The following TUBGCP6 variants were observed in gnomAD, a reference collection of about 807,000 sequenced individuals.
TUBGCP6 encodes the protein tubulin gamma complex component 6, also known as gamma-tubulin complex component 6.
TUBGCP6 carries 161 observed loss-of-function variants against 175.8 expected under a neutral mutation model. The observed-to-expected ratio is 0.92, with a 90% CI of 0.81 to 1.04. The LOEUF is 1.04. TUBGCP6 is among the 50% of genes least tolerant of loss of function. The pLI, the probability that TUBGCP6 is intolerant of heterozygous loss-of-function variation, is 0.00. For missense variants in TUBGCP6, 2,572 were observed against 2,433.0 expected, an observed-to-expected ratio of 1.06 and a Z score of -1.20; for synonymous variants, 1,173 against 1,030.5, an observed-to-expected ratio of 1.14 and a Z score of -2.65.
chr22:50,219,728 C>A lies in TUBGCP6; in HGVS notation c.4231G>T (p.Ala1411Ser). 1 of 1,613,718 alleles carries A rather than the reference C, an allele frequency of 6.2e-7. No homozygotes were observed. The highest frequency in any genetic ancestry group is 8.5e-7 in the Non-Finnish European group (1 of 1,179,990). The change falls in exon 18 of 25, where the codon GCT becomes TCT. Residue 1411 changes from alanine (A) to serine (S), a missense_variant. Ala to Ser is a moderately conservative substitution (Grantham distance 99). Transcript: ENST00000248846. ...AGGTAGGCCTGCTCCCCACCCTGAG[C>A]CTCCGCCGCCGATGCCTCCGCCTCC... ...GEEAEASAAE[A>S]QGGEQAYLAG...
chr22:50,224,432 C>CA lies in TUBGCP6; in HGVS notation c.2066-13dup, dbSNP rs754934293. On this transcript the variant is annotated splice_polypyrimidine_tract_variant and intron_variant, in intron 11 of 24. Transcript: ENST00000248846. ...TGACATCTGCCGGTCTACATTGGGA[C>CA]AGTAAGGGGCGCACTGTCACAAGGA... 1 of 1,614,172 alleles carries CA rather than the reference C, an allele frequency of 6.2e-7. No individual in the cohort carries two copies. The highest frequency in any genetic ancestry group is 1.7e-5 in the Admixed American group (1 of 60,016).
In TUBGCP6 at chr22:50,224,522, C is replaced by T. The variant is rs373028238; in HGVS notation, c.2054G>A (p.Ser685Asn). 1.9e-5 allele frequency: 30 copies of T among 1,614,094 alleles called. No homozygotes were observed. The highest frequency in any genetic ancestry group is 2.5e-5 in the Non-Finnish European group (29 of 1,180,050). ...TTGGGGCCACTCACCACTCAGTGCA[C>T]TCAGGACCCTGGATGCTGCTTCCCG... ...HAREAASRVL[S>N]ALSDRQMSER... Residue 685 changes from serine (S) to asparagine (N), a missense_variant, in exon 11 of 25, where the codon AGT (serine) becomes AAT (asparagine). Coordinates refer to ENST00000248846, the MANE Select transcript of TUBGCP6 (RefSeq NM_020461.4).
At chr22:50,232,556 C>CAA (rs542603491) in intron 3 of TUBGCP6, among the ~76,000 whole-genome samples, 1,844 of 139,850 alleles carry the variant, frequency 0.013, 24 homozygotes, top group African/African-American at 0.031. Context: ...GACCCTGTCT[C>CAA]AAAAAAAAAA....
At chr22:50,241,983 CAAAA>C (rs55647714) in intron 1 of TUBGCP6, among the ~76,000 whole-genome samples, 2 of 92,806 alleles carry the variant, frequency 2.2e-5, no homozygotes, top group African/African-American at 5.1e-5. Flanking sequence ...GACTCCATCT[CAAAA>C]AAAAAAAAAA....
Position 50,218,614 on chromosome 22 carries a change from A to T in TUBGCP6, c.4828T>A (p.Trp1610Arg). ...TCGGTGATGACAATGTTGAGAGGCC[A>T]GTCCACCTGCCAGGAGGCGTGGCTC... ...SCLELRYKVDWPLNIVITEGC... is the reference protein window; with the variant it reads ...SCLELRYKVDRPLNIVITEGC... The change falls in exon 22 of 25, where the codon TGG (tryptophan) becomes AGG (arginine). Residue 1610 changes from tryptophan to arginine, a missense_variant. Trp to Arg is a moderately radical substitution (Grantham distance 101). Transcript: ENST00000248846. 6.2e-7 allele frequency: 1 copy of T among 1,613,732 alleles called. No homozygotes were observed. Among genetic ancestry groups the T allele is most frequent in the African/African-American group, 1.3e-5 (1 of 75,032 alleles).
At chr22:50,226,231 C>G (rs1234490731) in intron 8 of TUBGCP6, 42 bp from the exon 9 acceptor site, 1 of 1,613,906 alleles carries the variant, frequency 6.2e-7, no homozygotes, top group African/African-American at 1.3e-5. Flanking sequence ...ATGGCCATGG[C>G]CCTGAACCCA....
At chr22:50,231,004 C>T (rs982673396) in intron 3 of TUBGCP6, among the ~76,000 whole-genome samples, 1 of 147,286 alleles carries the variant, frequency 6.8e-6, no homozygotes, top group Non-Finnish European at 1.5e-5. Flanking sequence ...ATTGCTTAAA[C>T]CCAGGAGGAA....
Position 50,226,156 on chromosome 22 carries a change from A to T in TUBGCP6, c.1727T>A (p.Ile576Asn). ...AACACAGTCCTCCACCTCTTTGGAG[A>T]TGAGCACGTAGCCATGTGTCCAGTA... Reference protein sequence around the residue: ...KLYWTHGYVLISKEVEDCVPV... With the variant: ...KLYWTHGYVLNSKEVEDCVPV... The change falls in exon 9 of 25, where the codon ATC becomes AAC. Residue 576 changes from isoleucine (I) to asparagine (N), a missense_variant. Ile to Asn is a moderately radical substitution (Grantham distance 149, BLOSUM62 -3). Transcript: ENST00000248846. 6.2e-7 allele frequency: 1 copy of T among 1,614,144 alleles called. No homozygotes were observed. The highest frequency in any genetic ancestry group is 8.5e-7 in the Non-Finnish European group (1 of 1,180,030).
chr22:50,222,024 T>C lies in TUBGCP6; in HGVS notation c.2484+4A>G. On this transcript the variant is annotated splice_donor_region_variant and intron_variant, in intron 15 of 24. Coordinates refer to ENST00000248846, the MANE Select transcript of TUBGCP6 (RefSeq NM_020461.4). ...GGCACCCTGGGTTCCACTCTGCCGC[T>C]TACCTGGGGGTGCACGCTCAAGAGG... The C allele has an allele frequency of 6.2e-7, 1 of 1,613,830 alleles. No homozygotes were observed. The highest frequency in any genetic ancestry group is 8.5e-7 in the Non-Finnish European group (1 of 1,179,950).
At position 50,244,699 on chromosome 22, in the gene TUBGCP6, G is replaced by C; in HGVS notation, c.-240C>G. 2 of 567,076 alleles carry C rather than the reference G, an allele frequency of 3.5e-6. No individual in the cohort carries two copies. Among genetic ancestry groups the C allele is most frequent in the Non-Finnish European group, 6.0e-6 (2 of 332,514 alleles). 35.1% of individuals were successfully genotyped at this position (567,076 alleles called of 1,614,324 possible). On this transcript the variant is annotated 5_prime_UTR_variant, in exon 1 of 25. Transcript: ENST00000248846. The stretch of plus-strand genomic sequence containing the variant: ...CTGCCCGGCGCCCGGCAGCCCACCA[G>C]AAGCCAGCTCGGCGTTTCTTCTAAT...
Position 50,219,641 on chromosome 22 carries a change from C to T in TUBGCP6, c.4315+3G>A, listed in dbSNP as rs2147175005. 1.2e-6 allele frequency: 2 copies of T among 1,612,846 alleles called. No individual in the cohort carries two copies. Among genetic ancestry groups the T allele is most frequent in the Middle Eastern group, 3.3e-4 (2 of 6,062 alleles). The stretch of plus-strand genomic sequence containing the variant: ...CCCTGCCAACAGCAACTGCTGCACT[C>T]ACACATGGACTCGTAACTGTCCGGG... On this transcript the variant is annotated splice_donor_region_variant and intron_variant, in intron 18 of 24. Transcript: ENST00000248846.
rs1360507053 is a variant in TUBGCP6 at position 50,221,174 on chromosome 22, C to T, written c.3185G>A (p.Arg1062Lys). Residue 1062 changes from arginine (R) to lysine (K), a missense_variant, in exon 16 of 25, where the codon AGG (arginine) becomes AAG (lysine). Coordinates refer to ENST00000248846, the MANE Select transcript of TUBGCP6 (RefSeq NM_020461.4). ...CACATCTGACACATTCTCCCCGACC[C>T]TGATGCTGGCGTCAGACACGTGCCC... ...THGHVSDASI[R>K]VGENVSDVAP... 2.5e-6 allele frequency: 4 copies of T among 1,608,098 alleles called. No individual in the cohort carries two copies. Among genetic ancestry groups the T allele is most frequent in the Admixed American group, 1.7e-5 (1 of 59,654 alleles).
Position 50,244,487 on chromosome 22 carries a change from G to T in TUBGCP6, c.-28C>A, listed in dbSNP as rs763441625. The T allele has an allele frequency of 6.3e-7, 1 of 1,584,472 alleles. No individual in the cohort carries two copies. The highest frequency in any genetic ancestry group is 1.1e-5 in the South Asian group (1 of 88,728). On this transcript the variant is annotated 5_prime_UTR_variant, in exon 1 of 25. Coordinates refer to ENST00000248846, the MANE Select transcript of TUBGCP6 (RefSeq NM_020461.4). ...CCCTTCTCAGCTCCGGGCCCCCGGC[G>T]TGTGGGAAAACACCTCACCCGGGCT...
intron 5 of TUBGCP6, 26 bp downstream of exon 5, chr22:50,227,881 T>G (rs1297140993): frequency 9.6e-6 from 15 of 1,565,830 alleles, no homozygotes; most frequent in Non-Finnish European, 1.2e-5. Context: ...CAAAGTCCCC[T>G]GCTCAGCCGC....
At position 50,219,624 on chromosome 22, in the gene TUBGCP6, A is replaced by G. The variant is rs6537642; in HGVS notation, c.4315+20T>C. 0.95 allele frequency: 1,526,340 copies of G among 1,609,842 alleles called. 723,914 individuals carry two copies. Among genetic ancestry groups the G allele is most frequent in the East Asian group, 1 (44,736 of 44,742 alleles). ...CCAGCCAGCCCAGGGCTCCCTGCCAACAGCAACTGCTGCACTCACACATGG... is the reference window on the plus strand; with the variant it reads ...CCAGCCAGCCCAGGGCTCCCTGCCAGCAGCAACTGCTGCACTCACACATGG... On this transcript the variant is annotated intron_variant, in intron 18 of 24. Coordinates refer to ENST00000248846, the MANE Select transcript of TUBGCP6 (RefSeq NM_020461.4).
chr22:50,226,433 G>C, intron 7 of TUBGCP6, 55 bp from the exon 8 acceptor site: 1 of 1,508,142 alleles, frequency 6.6e-7, no homozygotes, highest in Admixed American at 2.0e-5. Context: ...TGGGTGGGGC[G>C]TGGCTGTCAG....
In TUBGCP6 at chr22:50,220,616, G is replaced by GC. The variant is rs1371190902; in HGVS notation, c.3742dup (p.Ala1248GlyfsTer40). ...CACAGGCTCCCCCAAGCTGATGCTG[G>GC]CGTCGGACACGTGTCCATGGGTGTT... is the stretch of plus-strand genomic sequence containing the variant. On this transcript the variant is annotated frameshift_variant, in exon 16 of 25. Coordinates refer to ENST00000248846, the MANE Select transcript of TUBGCP6 (RefSeq NM_020461.4). LOFTEE classifies it high-confidence loss of function. 6.2e-7 allele frequency: 1 copy of GC among 1,612,602 alleles called. No individual in the cohort carries two copies. Among genetic ancestry groups the GC allele is most frequent in the African/African-American group, 1.3e-5 (1 of 74,880 alleles).
chr22:50,219,206 G>T lies in TUBGCP6; in HGVS notation c.4488C>A (p.Ile1496=). The change falls in exon 20 of 25, where the codon ATC becomes ATA. Residue 1496 remains isoleucine (I), a synonymous_variant. Coordinates refer to ENST00000248846, the MANE Select transcript of TUBGCP6 (RefSeq NM_020461.4). ...RSITAPLAAH[I]SLVNKAAVDY... is the part of the protein sequence containing the mutation. ...CGACAGCGGCCTTGTTCACCAAGGAGATGCTGGCAGGAGGGAGCTGGAGTC... is the reference window on the plus strand; with the variant it reads ...CGACAGCGGCCTTGTTCACCAAGGATATGCTGGCAGGAGGGAGCTGGAGTC... 6.2e-7 allele frequency: 1 copy of T among 1,611,116 alleles called. No individual in the cohort carries two copies. Among genetic ancestry groups the T allele is most frequent in the Non-Finnish European group, 8.5e-7 (1 of 1,179,934 alleles).
chr22:50,222,926 G>C (rs1436629588), intron 13 of TUBGCP6: 2 of 274,218 alleles, frequency 7.3e-6, no homozygotes, highest in African/African-American at 4.3e-5. Context: ...TAAGAAGTTA[G>C]GCCTCTTCCC....
Sources: gnomAD v4.1 joint callset for allele counts (sites outside exome capture counted in the v4.1 genomes callset) on GRCh38, gnomAD v4.1.1 for gene constraint, MANE v1.5 for transcripts, NCBI Gene and HGNC (gene_info 2026-07-23, HGNC 2026-07-21) for gene names.